PLXDC2: variants seen among roughly 807,000 people sequenced by gnomAD.
PLXDC2 encodes the protein plexin domain containing 2.
In PLXDC2, 40 loss-of-function variants were observed where a neutral mutation model predicts 68.9. That is an observed-to-expected ratio of 0.58 (90% CI 0.45 to 0.76). The LOEUF (loss-of-function observed/expected upper bound fraction) is 0.76. Among genes scored for constraint, PLXDC2 ranks in the 30% least tolerant of loss-of-function variants. The pLI, the probability that PLXDC2 is intolerant of heterozygous loss-of-function variation, is 0.00. For synonymous variants in PLXDC2, 243 were observed against 234.2 expected (o/e 1.04, Z -0.34); for missense variants, 644 against 661.9 (o/e 0.97, Z 0.30).
intron 1 of PLXDC2, among the ~76,000 whole-genome samples, chr10:19,998,027 G>A (rs1326458306): frequency 2.0e-5 from 3 of 152,168 alleles, no homozygotes; most frequent in African/African-American, 7.2e-5. Context: ...AATATGTTGG[G>A]GAAAATGATC....
intron 1 of PLXDC2, among the ~76,000 whole-genome samples, chr10:19,821,882 T>A (rs984409756): frequency 6.6e-6 from 1 of 152,244 alleles, no homozygotes; most frequent in Non-Finnish European, 1.5e-5. Context: ...ACTCATGTTC[T>A]TAATCTCATA....
intron 1 of PLXDC2, among the ~76,000 whole-genome samples, chr10:19,914,703 A>G (rs953048763): frequency 6.6e-6 from 1 of 152,204 alleles, no homozygotes; most frequent in Non-Finnish European, 1.5e-5. Context: ...TTATTTTAGG[A>G]TGGGAAGACA....
chr10:20,217,395 C>T, intron 10 of PLXDC2, 31 bp from the exon 11 acceptor site: 4 of 1,586,200 alleles, frequency 2.5e-6, no homozygotes, highest in African/African-American at 1.3e-5. Context: ...GTGATCACTC[C>T]ATTTGTTTTC....
chr10:20,068,870 T>A (rs1836266959), intron 4 of PLXDC2, among the ~76,000 whole-genome samples: 1 of 152,118 alleles, frequency 6.6e-6, no homozygotes, highest in Non-Finnish European at 1.5e-5. Flanking sequence ...TATCATTCTT[T>A]ATTGTACATC....
chr10:19,908,138 GTTT>G (rs1589530512), intron 1 of PLXDC2, among the ~76,000 whole-genome samples: 1 of 152,022 alleles, frequency 6.6e-6, no homozygotes, highest in South Asian at 2.1e-4. Flanking sequence ...TTAGATGGAT[GTTT>G]TTATCATTAA....
intron 1 of PLXDC2, among the ~76,000 whole-genome samples, chr10:19,852,707 G>A (rs1837145501): frequency 6.6e-6 from 1 of 152,012 alleles, no homozygotes; most frequent in Non-Finnish European, 1.5e-5. Context: ...TGATATCGTG[G>A]ACTTTGTGCC....
chr10:20,152,480 A>T (rs1191058505), intron 6 of PLXDC2, among the ~76,000 whole-genome samples: 1 of 152,130 alleles, frequency 6.6e-6, no homozygotes, highest in Non-Finnish European at 1.5e-5. Context: ...ACACAGCTGC[A>T]TATTTTAATT....
At chr10:20,075,426 G>A (rs1238574152) in intron 4 of PLXDC2, among the ~76,000 whole-genome samples, 1 of 152,170 alleles carries the variant, frequency 6.6e-6, no homozygotes, top group Non-Finnish European at 1.5e-5. Context: ...CTAGCCTCTA[G>A]CAATCCTCCC....
intron 3 of PLXDC2, among the ~76,000 whole-genome samples, chr10:20,056,740 T>G (rs1836006380): frequency 6.6e-6 from 1 of 152,174 alleles, no homozygotes; most frequent in African/African-American, 2.4e-5. Context: ...CAATTTAATC[T>G]TATTTCTTCA....
At chr10:20,218,391 G>A (rs1052419045) in intron 11 of PLXDC2, among the ~76,000 whole-genome samples, 2 of 152,068 alleles carry the variant, frequency 1.3e-5, no homozygotes, top group African/African-American at 4.8e-5. Context: ...AATAAAGTGG[G>A]GTGGAAAGCA....
Position 20,177,028 on chromosome 10 carries a change from C to G in PLXDC2, c.913C>G (p.His305Asp). Reference sequence around the variant, plus strand: ...TCGAAGAAGAACAATTTATGAATACCACCGAGTAGAGCTACAAATGTCAAA... The same window carrying G: ...TCGAAGAAGAACAATTTATGAATACGACCGAGTAGAGCTACAAATGTCAAA... ...NVRRRTIYEYHRVELQMSKIT... is the reference protein window; with the variant it reads ...NVRRRTIYEYDRVELQMSKIT... Residue 305 changes from histidine (H) to aspartate (D), a missense_variant, in exon 8 of 14, where the codon CAC becomes GAC. This residue lies in a region of PLXDC2 where 330 missense variants were observed against 327.9 expected (regional missense o/e 1.01). Coordinates refer to ENST00000377252, the MANE Select transcript of PLXDC2 (RefSeq NM_032812.9). 1 of 1,610,536 alleles carries G rather than the reference C, an allele frequency of 6.2e-7. No individual in the cohort carries two copies. The highest frequency in any genetic ancestry group is 8.5e-7 in the Non-Finnish European group (1 of 1,178,618).
At chr10:19,903,986 T>C (rs1838201966) in intron 1 of PLXDC2, among the ~76,000 whole-genome samples, 1 of 152,114 alleles carries the variant, frequency 6.6e-6, no homozygotes, top group South Asian at 2.1e-4. Context: ...TCTATTTGTG[T>C]GGTTTTGAGG....
At chr10:19,849,948 G>A (rs1011592035) in intron 1 of PLXDC2, among the ~76,000 whole-genome samples, 3 of 152,144 alleles carry the variant, frequency 2.0e-5, no homozygotes, top group Non-Finnish European at 2.9e-5. Context: ...TGTGGGCTTT[G>A]AGGATGGTCC....
intron 8 of PLXDC2, 72 bp downstream of exon 8, chr10:20,177,166 T>C (rs967370350): frequency 1.4e-6 from 2 of 1,386,052 alleles, no homozygotes; most frequent in Admixed American, 1.7e-5. Context: ...TCAATAGTTA[T>C]AATAATCATA....
intron 13 of PLXDC2, among the ~76,000 whole-genome samples, chr10:20,258,639 C>T (rs1835772682): frequency 6.6e-6 from 1 of 152,076 alleles, no homozygotes; most frequent in African/African-American, 2.4e-5. Context: ...TAAGTTGAAT[C>T]CCCTATGTAT....
chr10:19,828,341 C>T (rs1045755964), intron 1 of PLXDC2, among the ~76,000 whole-genome samples: 1 of 152,190 alleles, frequency 6.6e-6, no homozygotes, highest in Non-Finnish European at 1.5e-5. Flanking sequence ...GTTGCTACCC[C>T]TCCATAGACA....
At chr10:19,946,384 G>A (rs756903340) in intron 1 of PLXDC2, among the ~76,000 whole-genome samples, 1 of 152,078 alleles carries the variant, frequency 6.6e-6, no homozygotes, top group Non-Finnish European at 1.5e-5. Context: ...GTTTGTAGTA[G>A]GAAGAATGAA....
chr10:20,009,742 A>G (rs1835079832), intron 2 of PLXDC2, among the ~76,000 whole-genome samples: 1 of 149,132 alleles, frequency 6.7e-6, no homozygotes, highest in East Asian at 2.0e-4. Context: ...GTCATACTAG[A>G]TAGCGTGTTT....
rs1481431580 is a variant in PLXDC2, at chr10:20,068,179, C to G, written c.481C>G (p.Leu161Val). 1.9e-6 allele frequency: 3 copies of G among 1,612,506 alleles called. No homozygotes were observed. Among genetic ancestry groups the G allele is most frequent in the Non-Finnish European group, 2.5e-6 (3 of 1,179,038 alleles). ...NTHRQAARVN[L>V]SFDFPFYGHF... ...GTGTTGTTCTTTGCAGAGAGTGAAT[C>G]TGTCCTTCGATTTTCCATTTTATGG... is the stretch of plus-strand genomic sequence containing the variant. The change falls in exon 4 of 14, where the codon CTG becomes GTG. Residue 161 changes from leucine (L) to valine (V), a missense_variant. By Grantham distance (32) the Leu-to-Val change is conservative (BLOSUM62 1). Around this residue, in one of 3 missense-constraint regions of PLXDC2, gnomAD observed 113 missense variants for 167.1 expected, o/e 0.68. Transcript: ENST00000377252.
Sources: gnomAD v4.1 joint callset for allele counts (sites outside exome capture counted in the v4.1 genomes callset) on GRCh38, gnomAD v4.1.1 for gene constraint, gnomAD v4.1.1 regional missense constraint, MANE v1.5 for transcripts, NCBI Gene and HGNC (gene_info 2026-07-23, HGNC 2026-07-21) for gene names.